Variants in MTOR observed in about 807,000 individuals in gnomAD.
MTOR encodes the protein mechanistic target of rapamycin kinase.
A neutral mutation model predicts 319.8 loss-of-function variants in MTOR; 70 were observed. The observed-to-expected ratio is 0.22, with a 90% CI of 0.18 to 0.27. MTOR has a LOEUF of 0.27. MTOR is among the 10% of genes least tolerant of loss of function. The pLI is 1.00. For synonymous variants in MTOR, 1,183 were observed against 1,211.4 expected, an observed-to-expected ratio of 0.98 and a Z score of 0.49; for missense variants, 1,890 against 3,274.4, an observed-to-expected ratio of 0.58 and a Z score of 10.32.
intron 20 of MTOR, among the ~76,000 whole-genome samples, chr1:11,215,563 T>A (rs929976716): frequency 3.9e-5 from 6 of 152,190 alleles, no homozygotes; most frequent in African/African-American, 1.4e-4. Context: ...CGTAGAGACA[T>A]TTAAATTATA....
chr1:11,239,358 C>A (rs1253337622), intron 11 of MTOR, among the ~76,000 whole-genome samples: 1 of 152,086 alleles, frequency 6.6e-6, no homozygotes, highest in Non-Finnish European at 1.5e-5. Flanking sequence ...ACTTTCTATT[C>A]ACTAGAAATA....
At chr1:11,160,696 T>C (rs1440273359) in intron 29 of MTOR, among the ~76,000 whole-genome samples, 5 of 152,236 alleles carry the variant, frequency 3.3e-5, no homozygotes, top group Admixed American at 3.3e-4. Context: ...ATGAAGTATA[T>C]AAACACTTAG....
rs1644347958 is a variant in MTOR at position 11,157,256 on chromosome 1, C to T, written c.4365G>A (p.Glu1455=). The change falls in exon 30 of 58, where the codon GAG becomes GAA. Residue 1455 remains glutamate, a synonymous_variant. Transcript: ENST00000361445. The part of the protein sequence containing the change: ...IQATWYEKLH[E]WEDALVAYDK... ...CATAGGCCACAAGGGCATCCTCCCACTCGTGCAGTTTCTCATACCAGGTAG... is the reference window on the plus strand; with the variant it reads ...CATAGGCCACAAGGGCATCCTCCCATTCGTGCAGTTTCTCATACCAGGTAG... 6.2e-7 allele frequency: 1 copy of T among 1,614,180 alleles called. No individual in the cohort carries two copies. The highest frequency in any genetic ancestry group is 8.5e-7 in the Non-Finnish European group (1 of 1,180,010).
In MTOR at chr1:11,134,443, C is replaced by T. The variant is rs773714328; in HGVS notation, c.5154G>A (p.Gln1718=). ...ARKIDAFQHM[Q]HFVQTMQQQA... ...GTTGCTGCATGGTCTGGACAAAATGCTGCATGTGCTGGAAGGCATCGATCT... is the reference window on the plus strand; with the variant it reads ...GTTGCTGCATGGTCTGGACAAAATGTTGCATGTGCTGGAAGGCATCGATCT... The change falls in exon 37 of 58, where the codon CAG becomes CAA. Residue 1718 remains glutamine (Q), a synonymous_variant. Coordinates refer to ENST00000361445, the MANE Select transcript of MTOR (RefSeq NM_004958.4). 1.9e-5 allele frequency: 31 copies of T among 1,614,050 alleles called. No individual in the cohort carries two copies. The highest frequency in any genetic ancestry group is 2.6e-5 in the Non-Finnish European group (31 of 1,180,032).
intron 17 of MTOR, 44 bp downstream of exon 17, chr1:11,231,256 G>T (rs373915721): frequency 3.1e-6 from 5 of 1,611,576 alleles, no homozygotes; most frequent in Non-Finnish European, 4.2e-6. Context: ...TCTTGCCATC[G>T]TCCCAGCAAA....
At chr1:11,237,656 G>A (rs1647391075) in intron 13 of MTOR, among the ~76,000 whole-genome samples, 187 bp downstream of exon 13, 1 of 152,166 alleles carries the variant, frequency 6.6e-6, no homozygotes, top group Admixed American at 6.5e-5. Flanking sequence ...GGCTCATGAG[G>A]TGATGAGCAC....
chr1:11,162,324 CG>C (rs1286437370), intron 29 of MTOR, among the ~76,000 whole-genome samples: 1 of 152,138 alleles, frequency 6.6e-6, no homozygotes, highest in Non-Finnish European at 1.5e-5. Flanking sequence ...CTGAAAGTGA[CG>C]GGGAGTGAAA....
In MTOR at chr1:11,109,234, G is replaced by T. The variant is rs989440756; in HGVS notation, c.7528+56C>A. On this transcript the variant is annotated intron_variant, in intron 56 of 57. Coordinates refer to ENST00000361445, the MANE Select transcript of MTOR (RefSeq NM_004958.4). This position sits in a 1 kb window ranked among gnomAD's most constrained non-coding sequence, Gnocchi z 4.0. ...GACATGGGGCTGACCACCACTCAGA[G>T]AGGAAAGTGTGCTCAGATTTTATGT... The T allele has an allele frequency of 3.3e-6, 5 of 1,526,700 alleles. No homozygotes were observed. Among genetic ancestry groups the T allele is most frequent in the Non-Finnish European group, 4.5e-6 (5 of 1,107,152 alleles). The allele number at this position is 1,526,700 out of a possible 1,614,324, so 94.6% of individuals were successfully genotyped here.
At chr1:11,228,545 G>C (rs1055348578) in intron 19 of MTOR, 123 bp downstream of exon 19, 3 of 1,317,810 alleles carry the variant, frequency 2.3e-6, no homozygotes, top group Admixed American at 2.0e-5. Flanking sequence ...TGGGAGTTAA[G>C]GGGGAGGAAG....
chr1:11,222,019 G>A (rs997868058), intron 19 of MTOR, among the ~76,000 whole-genome samples: 70 of 151,394 alleles, frequency 4.6e-4, no homozygotes, highest in African/African-American at 1.6e-3. Context: ...GAGGTGGGAA[G>A]GTGCCTGGCT....
Position 11,212,239 on chromosome 1 carries a change from G to T in MTOR, c.3561+73C>A. ...TGGTGGCTGGCATCAGACAAAGTCTGAGTGGCTCACAGACAAAGTCTTCTT... is the reference window on the plus strand; with the variant it reads ...TGGTGGCTGGCATCAGACAAAGTCTTAGTGGCTCACAGACAAAGTCTTCTT... On this transcript the variant is annotated intron_variant, in intron 23 of 57. Coordinates refer to ENST00000361445, the MANE Select transcript of MTOR (RefSeq NM_004958.4). This position sits in a 1 kb window ranked among gnomAD's most constrained non-coding sequence, Gnocchi z 4.1. 1.3e-6 allele frequency: 2 copies of T among 1,521,288 alleles called. No homozygotes were observed. The highest frequency in any genetic ancestry group is 8.8e-7 in the Non-Finnish European group (1 of 1,130,204). The allele number at this position is 1,521,288 out of a possible 1,614,324, so 94.2% of individuals were successfully genotyped here.
At chr1:11,218,073 A>T (rs2788577) in intron 19 of MTOR, among the ~76,000 whole-genome samples, 1,755 of 152,220 alleles carry the variant, frequency 0.012, 49 homozygotes, top group African/African-American at 0.04. Context: ...ACCATTCCCC[A>T]AATTGAATCA....
At chr1:11,258,396 T>C (rs1037533799) in intron 3 of MTOR, 89 bp downstream of exon 3, 6 of 859,544 alleles carry the variant, frequency 7.0e-6, no homozygotes, top group South Asian at 3.3e-5. Flanking sequence ...TAAGCAAATA[T>C]GAACTAGTAT....
At chr1:11,223,453 T>C (rs1447610430) in intron 19 of MTOR, among the ~76,000 whole-genome samples, 1 of 152,060 alleles carries the variant, frequency 6.6e-6, no homozygotes, top group East Asian at 1.9e-4. Flanking sequence ...ACTGCAGAAA[T>C]GTATGTACAT....
intron 5 of MTOR, among the ~76,000 whole-genome samples, chr1:11,254,622 A>T (rs561926477): frequency 3.9e-5 from 6 of 152,162 alleles, no homozygotes. Context: ...AGACTCACTG[A>T]TAAGTTCCCT....
intron 46 of MTOR, among the ~76,000 whole-genome samples, chr1:11,125,002 C>A (rs1331098260): frequency 7.4e-6 from 1 of 134,926 alleles, no homozygotes; most frequent in Non-Finnish European, 1.5e-5. Flanking sequence ...TGGAAGGGTA[C>A]TGGCAGGAGG....
At chr1:11,176,259 G>C (rs1386450629) in intron 28 of MTOR, among the ~76,000 whole-genome samples, 1 of 152,204 alleles carries the variant, frequency 6.6e-6, no homozygotes. Context: ...ACTTGACATG[G>C]CAGTGCCTCC....
chr1:11,236,375 G>A (rs1401259544), intron 13 of MTOR, among the ~76,000 whole-genome samples: 1 of 152,002 alleles, frequency 6.6e-6, no homozygotes, highest in African/African-American at 2.4e-5. Context: ...TTGGGCTCCT[G>A]TGATCCGCCT....
At chr1:11,184,845 A>G (rs1004508429) in intron 28 of MTOR, among the ~76,000 whole-genome samples, 2 of 152,216 alleles carry the variant, frequency 1.3e-5, no homozygotes, top group Non-Finnish European at 2.9e-5. Flanking sequence ...ATTCCTTCCC[A>G]TGTCTACAGA....
Sources: allele counts gnomAD v4.1 joint callset (sites outside exome capture counted in the v4.1 genomes callset), GRCh38; gene constraint gnomAD v4.1.1; non-coding constraint Gnocchi (gnomAD v3.1); transcripts MANE v1.5; gene names NCBI Gene and HGNC (gene_info 2026-07-23, HGNC 2026-07-21).